Variants in MAP9 observed in about 807,000 individuals in gnomAD.
The protein encoded by MAP9 is microtubule-associated protein 9.
MAP9 carries 80 observed loss-of-function variants against 75.2 expected under a neutral mutation model. The observed-to-expected ratio is 1.06, with a 90% CI of 0.89 to 1.28. The LOEUF (loss-of-function observed/expected upper bound fraction) is 1.28. Among genes scored for constraint, MAP9 ranks in the 50% most tolerant of loss-of-function variants. MAP9 has a pLI of 0.00. For synonymous variants in MAP9, 235 were observed against 237.3 expected (o/e 0.99, Z 0.09); for missense variants, 753 against 719.9 (o/e 1.05, Z -0.53).
chr4:155,369,271 C>T (rs1197933096), intron 4 of MAP9, among the ~76,000 whole-genome samples: 1 of 148,658 alleles, frequency 6.7e-6, no homozygotes, highest in Non-Finnish European at 1.5e-5. Flanking sequence ...TGCAGTGAGC[C>T]GAGATCGAGA....
intron 10 of MAP9, 46 bp downstream of exon 10, chr4:155,355,025 C>T: frequency 1.2e-6 from 1 of 862,338 alleles, no homozygotes; most frequent in African/African-American, 1.8e-5. Flanking sequence ...GGATATTTTA[C>T]TGAAATAAAA....
At position 155,345,271 on chromosome 4, in the gene MAP9, A is replaced by T. The variant is rs1170923847; in HGVS notation, c.*2512T>A. 1.3e-5 allele frequency: 2 copies of T among 152,012 alleles called. No homozygotes were observed. The highest frequency in any genetic ancestry group is 4.1e-4 in the South Asian group (2 of 4,832). The allele number at this position is 152,012 out of a possible 1,614,324, so 9.4% of individuals were successfully genotyped here. ...AGTTAATTTCAGTGCAGGTTGCTGTAAACAGGAAATAATATGTTATTTATC... is the reference window on the plus strand; with the variant it reads ...AGTTAATTTCAGTGCAGGTTGCTGTTAACAGGAAATAATATGTTATTTATC... On this transcript the variant is annotated 3_prime_UTR_variant, in exon 14 of 14. Coordinates refer to ENST00000311277, the MANE Select transcript of MAP9 (RefSeq NM_001039580.2).
At position 155,361,920 on chromosome 4, in the gene MAP9, G is replaced by C; in HGVS notation, c.802+128C>G. The C allele has an allele frequency of 4.9e-6, 3 of 611,932 alleles. No homozygotes were observed. The South Asian group carries it at 7.1e-5, about 14-fold the overall frequency. The allele number at this position is 611,932 out of a possible 1,614,324, so 37.9% of individuals were successfully genotyped here. A position where few individuals can be genotyped will look rare whatever the true frequency, so the allele number is the denominator to read the frequency against. ...TCACAGTTAGTTAACTACATAGTCA[G>C]GATTAAAACTCAAACACATAAAAAC... On this transcript the variant is annotated intron_variant, in intron 6 of 13. Coordinates refer to ENST00000311277, the MANE Select transcript of MAP9 (RefSeq NM_001039580.2).
chr4:155,365,440 G>A (rs184646893), intron 5 of MAP9, among the ~76,000 whole-genome samples: 136 of 152,022 alleles, frequency 8.9e-4, no homozygotes, highest in South Asian at 3.3e-3. Flanking sequence ...AGTTGGTAAC[G>A]GGTAAACAAA....
chr4:155,366,271 A>G (rs1236884564), intron 5 of MAP9, among the ~76,000 whole-genome samples: 1 of 151,818 alleles, frequency 6.6e-6, no homozygotes, highest in African/African-American at 2.4e-5. Context: ...AAGCAGGAGA[A>G]TGGAGTGAAC....
intron 4 of MAP9, 122 bp from the exon 5 acceptor site, chr4:155,368,934 C>T (rs897959160): frequency 1.3e-5 from 9 of 710,510 alleles, no homozygotes; most frequent in Non-Finnish European, 2.1e-5. Flanking sequence ...CCTGAAGAGT[C>T]CAGATGAAGC....
chr4:155,372,605 G>C (rs1732650651), intron 4 of MAP9, among the ~76,000 whole-genome samples: 1 of 152,284 alleles, frequency 6.6e-6, no homozygotes, highest in East Asian at 1.9e-4. Flanking sequence ...TTCTCTTAAG[G>C]AGTGCCTGGA....
chr4:155,373,467 G>C lies in MAP9; in HGVS notation c.161-11C>G, dbSNP rs746061038. The C allele has an allele frequency of 2.8e-6, 4 of 1,429,974 alleles. No homozygotes were observed. The South Asian group carries it at 5.7e-5, about 20-fold the overall frequency. The allele number at this position is 1,429,974 out of a possible 1,614,324, so 88.6% of individuals were successfully genotyped here. A position where few individuals can be genotyped will look rare whatever the true frequency, so the allele number is the denominator to read the frequency against. ...AATCACCTAAAGAAACTGAAAAATG[G>C]AAAAGAAAAATGTTTTCAACAGTAT... On this transcript the variant is annotated splice_polypyrimidine_tract_variant and intron_variant, in intron 3 of 13. Transcript: ENST00000311277.
chr4:155,351,270 T>C (rs1241625272), intron 13 of MAP9: 2 of 151,850 alleles, frequency 1.3e-5, no homozygotes, highest in Non-Finnish European at 2.9e-5. Flanking sequence ...TTATAAAGGA[T>C]ACATTTGGAA....
intron 2 of MAP9, 53 bp downstream of exon 2, chr4:155,375,723 C>T (rs1732808812): frequency 8.8e-7 from 1 of 1,130,640 alleles, no homozygotes; most frequent in Non-Finnish European, 1.3e-6. Flanking sequence ...CAATTTCAAC[C>T]CATCTAATAC....
intron 4 of MAP9, among the ~76,000 whole-genome samples, chr4:155,369,347 AAACAAC>A (rs1385338127): frequency 6.8e-6 from 1 of 147,300 alleles, no homozygotes; most frequent in Non-Finnish European, 1.5e-5. Flanking sequence ...AAAAAAAACC[AAACAAC>A]AACAACAACA....
rs372270421 is a variant in MAP9, at chr4:155,353,387, T to C, written c.1381-47A>G. 95 of 1,338,296 alleles carry C rather than the reference T, an allele frequency of 7.1e-5. No homozygotes were observed. In the African/African-American group the frequency reaches 1.2e-3, roughly 17 times the overall value. 82.9% of individuals were successfully genotyped at this position (1,338,296 alleles called of 1,614,324 possible). A position where few individuals can be genotyped will look rare whatever the true frequency, so the allele number is the denominator to read the frequency against. Reference sequence around the variant, plus strand: ...AGTGATATACATATATATGTATATATACATAGACACAAATATGGCTAGATA... The same window carrying C: ...AGTGATATACATATATATGTATATACACATAGACACAAATATGGCTAGATA... On this transcript the variant is annotated intron_variant, in intron 10 of 13. Coordinates refer to ENST00000311277, the MANE Select transcript of MAP9 (RefSeq NM_001039580.2).
chr4:155,351,711 T>A (rs1000339923), intron 13 of MAP9, among the ~76,000 whole-genome samples: 1 of 151,894 alleles, frequency 6.6e-6, no homozygotes, highest in African/African-American at 2.4e-5. Flanking sequence ...ATGGCCTGTA[T>A]ACAAATGAAA....
Position 155,360,339 on chromosome 4 carries a change from G to A in MAP9, c.879C>T (p.Asp293=), listed in dbSNP as rs760893799. Residue 293 remains aspartate, a synonymous_variant, in exon 7 of 14, where the codon GAC becomes GAT. Coordinates refer to ENST00000311277, the MANE Select transcript of MAP9 (RefSeq NM_001039580.2). ...DENKENSFSA[D]HVTTAVEKSK... ...ATTTCTCAACTGCAGTAGTCACATG[G>A]TCTGCTGAAAATGAATTCTCTTTAT... 4 of 1,612,862 alleles carry A rather than the reference G, an allele frequency of 2.5e-6. No individual in the cohort carries two copies. Among genetic ancestry groups the A allele is most frequent in the South Asian group, 1.1e-5 (1 of 91,044 alleles).
chr4:155,374,864 G>C (rs1027011797), intron 3 of MAP9, 73 bp downstream of exon 3: 16 of 896,236 alleles, frequency 1.8e-5, no homozygotes, highest in Middle Eastern at 2.3e-4. Flanking sequence ...TGGGTGGTTG[G>C]GGGGCTGGCT....
In MAP9 at chr4:155,373,161, A is replaced by G; in HGVS notation, c.456T>C (p.Ile152=). 1.3e-6 allele frequency: 2 copies of G among 1,567,338 alleles called. No individual in the cohort carries two copies. The highest frequency in any genetic ancestry group is 1.7e-6 in the Non-Finnish European group (2 of 1,157,988). Reference sequence around the variant, plus strand: ...CTGAAGATGTGCTTTTAATTGAAAGAATTCTGGGTTTAGGTTTCATTTTTA... The same window carrying G: ...CTGAAGATGTGCTTTTAATTGAAAGGATTCTGGGTTTAGGTTTCATTTTTA... ...DKIKMKPKPR[I]LSIKSTSSAE... Residue 152 remains isoleucine (I), a synonymous_variant, in exon 4 of 14, where the codon ATT becomes ATC. Transcript: ENST00000311277.
chr4:155,359,191 T>G (rs917865669), intron 7 of MAP9, among the ~76,000 whole-genome samples: 7 of 145,164 alleles, frequency 4.8e-5, no homozygotes, highest in African/African-American at 1.8e-4. Context: ...AACATATGAT[T>G]GTATAAAGAA....
Position 155,352,918 on chromosome 4 carries a change from T to A in MAP9, c.1682A>T (p.Glu561Val). 1 of 1,527,846 alleles carries A rather than the reference T, an allele frequency of 6.5e-7. No individual in the cohort carries two copies. The highest frequency in any genetic ancestry group is 2.0e-5 in the Admixed American group (1 of 49,012). 94.6% of individuals were successfully genotyped at this position (1,527,846 alleles called of 1,614,324 possible). Residue 561 changes from glutamate (E) to valine (V), a missense_variant, in exon 12 of 14, where the codon GAG (glutamate) becomes GTG (valine). Physicochemically the swap from Glu to Val is moderately radical, Grantham distance 121. Coordinates refer to ENST00000311277, the MANE Select transcript of MAP9 (RefSeq NM_001039580.2). The part of the protein sequence containing the change: ...EKKKDNLTAV[E>V]KWNEKKEAFF... ...ATTTATGATTTTGGATTACCATTTCTCAACAGCAGTTAAATTATCTTTCTT... is the reference window on the plus strand; with the variant it reads ...ATTTATGATTTTGGATTACCATTTCACAACAGCAGTTAAATTATCTTTCTT...
intron 5 of MAP9, among the ~76,000 whole-genome samples, chr4:155,364,611 T>C (rs1291301743): frequency 4.0e-5 from 6 of 149,240 alleles, no homozygotes; most frequent in African/African-American, 1.5e-4. Context: ...ATATTTATTC[T>C]AGCCTTCTTT....
Sources: gnomAD v4.1 joint callset for allele counts (sites outside exome capture counted in the v4.1 genomes callset) on GRCh38, gnomAD v4.1.1 for gene constraint, MANE v1.5 for transcripts, NCBI Gene and HGNC (gene_info 2026-07-23, HGNC 2026-07-21) for gene names.